ANXA10: variants seen among roughly 807,000 people sequenced by gnomAD.
The protein encoded by ANXA10 is annexin A10, also known as annexin 14.
In ANXA10, 49 loss-of-function variants were observed where a neutral mutation model predicts 53.5. That is an observed-to-expected ratio of 0.92 (90% CI 0.73 to 1.16). The LOEUF (loss-of-function observed/expected upper bound fraction) is 1.16, where lower values mean the gene tolerates loss of function less well. Ranked by LOEUF, ANXA10 falls within the 50% of genes most tolerant of loss-of-function variation. The pLI is 0.00. For synonymous variants in ANXA10, 131 were observed against 128.9 expected (o/e 1.02, Z -0.11); for missense variants, 393 against 394.4 (o/e 1.00, Z 0.03).
intron 11 of ANXA10, 92 bp downstream of exon 11, chr4:168,184,773 C>A: frequency 1.3e-6 from 2 of 1,518,000 alleles, no homozygotes; most frequent in Non-Finnish European, 1.8e-6. Flanking sequence ...TCATGGCAGA[C>A]TCTAAAAAGT....
At chr4:168,124,847 G>A (rs2149469099) in intron 1 of ANXA10, among the ~76,000 whole-genome samples, 2 of 152,284 alleles carry the variant, frequency 1.3e-5, no homozygotes, top group South Asian at 2.1e-4. Context: ...TGATCTTTTA[G>A]AAGGATCATT....
In ANXA10 at chr4:168,167,471, G is replaced by T. The variant is rs117750132; in HGVS notation, c.480+2145G>T. ...GTGTATTAAATGCATTTTTGACTTG[G>T]GATATTTTAATTTACAATGGATTTA... is the stretch of plus-strand genomic sequence containing the variant. On this transcript the variant is annotated intron_variant, in intron 6 of 11. Transcript: ENST00000359299. Among the ~76,000 whole-genome samples, 180 of 152,060 alleles carry T rather than the reference G, an allele frequency of 1.2e-3. 4 individuals carry two copies. The East Asian group carries it at 0.034, about 29-fold the overall frequency.
At chr4:168,133,584 T>C (rs1288208705) in intron 2 of ANXA10, among the ~76,000 whole-genome samples, 1 of 152,150 alleles carries the variant, frequency 6.6e-6, no homozygotes, top group Non-Finnish European at 1.5e-5. Context: ...TAAATGTTTA[T>C]ACAGGAGAAG....
At chr4:168,138,756 T>A (rs996318994) in intron 2 of ANXA10, among the ~76,000 whole-genome samples, 8 of 152,228 alleles carry the variant, frequency 5.3e-5, no homozygotes, top group African/African-American at 1.9e-4. Flanking sequence ...GTTTGTGCTA[T>A]CTATGATTTC....
intron 3 of ANXA10, among the ~76,000 whole-genome samples, chr4:168,155,460 T>TATAATATATAATTATATATTATAA (rs1731596030): frequency 5.2e-5 from 1 of 19,322 alleles, no homozygotes; most frequent in Admixed American, 7.8e-4. Context: ...ATATATTTTA[T>TATAATATATAATTATATATTATAA]AATATATAAT....
At chr4:168,096,177 G>A (rs767401215) in intron 1 of ANXA10, among the ~76,000 whole-genome samples, 1 of 152,118 alleles carries the variant, frequency 6.6e-6, no homozygotes, top group Non-Finnish European at 1.5e-5. Context: ...TGTTGATAAG[G>A]CAAGATTATT....
chr4:168,179,108 T>C lies in ANXA10; in HGVS notation c.629-109T>C. ...TAGCAAACAGAATTGATAACAGTAG[T>C]ACTTTTAATTATTTTATGGAAAATA... On this transcript the variant is annotated intron_variant, in intron 8 of 11. Transcript: ENST00000359299. The C allele has an allele frequency of 4.4e-6, 3 of 681,156 alleles. No individual in the cohort carries two copies. The South Asian group carries it at 5.1e-5, about 12-fold the overall frequency. The allele number at this position is 681,156 out of a possible 1,614,324, so 42.2% of individuals were successfully genotyped here.
chr4:168,109,435 A>G (rs933306983), intron 1 of ANXA10, among the ~76,000 whole-genome samples: 1 of 152,200 alleles, frequency 6.6e-6, no homozygotes, highest in Non-Finnish European at 1.5e-5. Context: ...AAGAAAATCG[A>G]TATCAAATAC....
At chr4:168,162,736 G>T in intron 4 of ANXA10, 95 bp downstream of exon 4, 1 of 884,710 alleles carries the variant, frequency 1.1e-6, no homozygotes. Context: ...ATACTTATAT[G>T]ATCAAGGAGA....
chr4:168,182,827 G>A (rs1404160672), intron 10 of ANXA10, among the ~76,000 whole-genome samples: 2 of 149,176 alleles, frequency 1.3e-5, no homozygotes, highest in East Asian at 2.0e-4. Flanking sequence ...TGGCTAACAC[G>A]GTAAAACCCC....
chr4:168,177,698 G>C (rs776642886), intron 6 of ANXA10, 42 bp from the exon 7 acceptor site: 9 of 1,601,818 alleles, frequency 5.6e-6, no homozygotes, highest in Non-Finnish European at 7.7e-6. Flanking sequence ...ATGAGTTGCT[G>C]ACTAAGAACA....
chr4:168,160,587 A>G (rs1264881998), intron 3 of ANXA10, among the ~76,000 whole-genome samples: 2 of 152,106 alleles, frequency 1.3e-5, no homozygotes, highest in Non-Finnish European at 2.9e-5. Context: ...GCCAGTAATG[A>G]GATTGCTGGG....
At chr4:168,101,741 C>T (rs141839836) in intron 1 of ANXA10, among the ~76,000 whole-genome samples, 1 of 151,982 alleles carries the variant, frequency 6.6e-6, no homozygotes, top group Admixed American at 6.6e-5. Flanking sequence ...TGTGTGTATA[C>T]TAACCCATTT....
intron 3 of ANXA10, among the ~76,000 whole-genome samples, chr4:168,160,964 T>G (rs923236814): frequency 6.6e-6 from 1 of 152,170 alleles, no homozygotes; most frequent in Admixed American, 6.5e-5. Flanking sequence ...TATTAGACCT[T>G]TGTCCCATGG....
At chr4:168,093,784 A>G (rs1279466851) in intron 1 of ANXA10, among the ~76,000 whole-genome samples, 1 of 152,220 alleles carries the variant, frequency 6.6e-6, no homozygotes, top group African/African-American at 2.4e-5. Flanking sequence ...CAAAGTAATC[A>G]ATGCAGGAAA....
At chr4:168,130,123 T>A (rs1055770650) in intron 2 of ANXA10, among the ~76,000 whole-genome samples, 1 of 152,172 alleles carries the variant, frequency 6.6e-6, no homozygotes, top group Non-Finnish European at 1.5e-5. Context: ...AAACGTTCAT[T>A]ATGAAGTTAA....
At chr4:168,124,297 G>A (rs1446174566) in intron 1 of ANXA10, among the ~76,000 whole-genome samples, 1 of 152,126 alleles carries the variant, frequency 6.6e-6, no homozygotes, top group Non-Finnish European at 1.5e-5. Flanking sequence ...AGAGATGGGA[G>A]TTGAGGAGGA....
chr4:168,160,835 GT>G (rs1553958096), intron 3 of ANXA10, among the ~76,000 whole-genome samples: 1 of 152,132 alleles, frequency 6.6e-6, no homozygotes, highest in Non-Finnish European at 1.5e-5. Flanking sequence ...CTTTCCATGT[GT>G]TTGTTGGCTG....
chr4:168,156,037 T>TTATATTA (rs1175448165), intron 3 of ANXA10, among the ~76,000 whole-genome samples: 2 of 34,820 alleles, frequency 5.7e-5, no homozygotes, highest in East Asian at 6.9e-4. Flanking sequence ...ATATATAGTA[T>TTATATTA]TATATTATAT....
Sources: gnomAD v4.1 joint callset for allele counts (sites outside exome capture counted in the v4.1 genomes callset) on GRCh38, gnomAD v4.1.1 for gene constraint, MANE v1.5 for transcripts, NCBI Gene and HGNC (gene_info 2026-07-23, HGNC 2026-07-21) for gene names.